ACHE: variants seen among roughly 807,000 people sequenced by gnomAD.
ACHE encodes acetylcholinesterase.
A neutral mutation model predicts 53.9 loss-of-function variants in ACHE; 19 were observed. That is an observed-to-expected ratio of 0.35 (90% CI 0.25 to 0.52). The LOEUF (loss-of-function observed/expected upper bound fraction) is 0.52. Ranked by LOEUF, ACHE falls within the 20% of genes least tolerant of loss-of-function variation. ACHE has a pLI of 0.95. For synonymous variants in ACHE, 392 were observed against 378.1 expected (o/e 1.04, Z -0.43); for missense variants, 605 against 849.4 (o/e 0.71, Z 3.58).
intron 4 of ACHE, chr7:100,890,537 G>C: frequency 1.4e-6 from 2 of 1,414,308 alleles, no homozygotes; most frequent in Admixed American, 2.8e-5. Flanking sequence ...GGCGGGGCCG[G>C]AGAAGGACAG....
Position 100,894,132 on chromosome 7 carries a change from C to T in ACHE, c.101G>A (p.Arg34Gln), listed in dbSNP as rs17881553. 1.6e-3 allele frequency: 2,343 copies of T among 1,490,604 alleles called. 22 individuals carry two copies. The African/African-American group carries it at 0.027, about 17-fold the overall frequency. 92.3% of individuals were successfully genotyped at this position (1,490,604 alleles called of 1,614,324 possible). A position where few individuals can be genotyped will look rare whatever the true frequency, so the allele number is the denominator to read the frequency against. The change falls in exon 2 of 5, where the codon CGG (arginine) becomes CAG (glutamine). Residue 34 changes from arginine (R) to glutamine (Q), a missense_variant. Physicochemically the swap from Arg to Gln is conservative, Grantham distance 43. Transcript: ENST00000241069. ...CGTCACCAGCAGCTCTGCATCCTCCCGGCCCTCAGCCCCCACTCCTCCACC... is the reference window on the plus strand; with the variant it reads ...CGTCACCAGCAGCTCTGCATCCTCCTGGCCCTCAGCCCCCACTCCTCCACC... Reference protein sequence around the residue: ...LLGGGVGAEGREDAELLVTVR... With the variant: ...LLGGGVGAEGQEDAELLVTVR...
At chr7:100,896,678 C>G, upstream of ACHE, 1 of 296,204 alleles carries the variant, frequency 3.4e-6, no homozygotes, top group Non-Finnish European at 7.2e-6. Context: ...CGGGTGACTT[C>G]GGACTTTCGT....
chr7:100,895,963 T>TCCGCCC (rs1458427865), upstream of ACHE: 2 of 82,888 alleles, frequency 2.4e-5, no homozygotes, highest in Non-Finnish European at 4.8e-5. Flanking sequence ...GCCCACTGTC[T>TCCGCCC]CCGCCCCCGC....
rs562985701 is a variant in ACHE, at chr7:100,892,258, C to T, written c.1553+76G>A. On this transcript the variant is annotated intron_variant, in intron 3 of 4. Transcript: ENST00000241069. The surrounding 1 kb of genome is among the most constrained non-coding windows in gnomAD (Gnocchi z 5.2). ...CTGTCCCACCCGTCCTTTCTGTCTC[C>T]GTGTGTCTGCCTTTGTGTGTCCTCC... 2.6e-5 allele frequency: 38 copies of T among 1,450,946 alleles called. 1 individual carries two copies. Among genetic ancestry groups the T allele is most frequent in the African/African-American group, 1.3e-4 (9 of 70,468 alleles). The allele number at this position is 1,450,946 out of a possible 1,614,324, so 89.9% of individuals were successfully genotyped here.
intron 4 of ACHE, 145 bp downstream of exon 4, chr7:100,891,024 G>A (rs1278631821): frequency 1.2e-5 from 18 of 1,457,492 alleles, no homozygotes; most frequent in Non-Finnish European, 1.5e-5. Context: ...GGGGCAGGGG[G>A]AGGCCGGGCC....
At chr7:100,890,594 G>C in intron 4 of ACHE, 1 of 1,390,410 alleles carries the variant, frequency 7.2e-7, no homozygotes, top group Non-Finnish European at 9.3e-7. Context: ...GACGGGAACA[G>C]AGGGGACAGG....
chr7:100,896,874 C>G (rs1267153049), upstream of ACHE: 1 of 160,958 alleles, frequency 6.2e-6, no homozygotes, highest in Non-Finnish European at 1.4e-5. Context: ...AGCGGGGTCC[C>G]CACGACCGAG....
In ACHE at chr7:100,890,211, G is replaced by A; in HGVS notation, c.*3C>T. On this transcript the variant is annotated 3_prime_UTR_variant, in exon 5 of 5. Coordinates refer to ENST00000241069, the MANE Select transcript of ACHE (RefSeq NM_000665.5). The stretch of plus-strand genomic sequence containing the variant: ...AGCGGAGGACATGGGGGTCCCGCCG[G>A]GGTCACAGGTCTGAGCAGCGATCCT... 6.2e-7 allele frequency: 1 copy of A among 1,613,680 alleles called. No homozygotes were observed. Among genetic ancestry groups the A allele is most frequent in the Non-Finnish European group, 8.5e-7 (1 of 1,179,648 alleles).
upstream of ACHE, chr7:100,896,720 A>G: frequency 3.1e-6 from 1 of 320,432 alleles, no homozygotes; most frequent in Non-Finnish European, 6.6e-6. Context: ...TGACATCACC[A>G]GGCCTAGCAT....
chr7:100,890,856 G>A (rs1395215242), intron 4 of ACHE: 28 of 1,442,160 alleles, frequency 1.9e-5, no homozygotes, highest in Non-Finnish European at 1.8e-5. Context: ...GTTTGAGGAG[G>A]AAGGGAGCAC....
intron 1 of ACHE, among the ~76,000 whole-genome samples, chr7:100,894,832 T>G (rs761908116): frequency 1.1e-3 from 163 of 149,064 alleles, no homozygotes; most frequent in Non-Finnish European, 1.9e-3. Flanking sequence ...CACCGAGCGC[T>G]GATGCCCGCG....
At chr7:100,896,704 G>T, upstream of ACHE, 1 of 310,826 alleles carries the variant, frequency 3.2e-6, no homozygotes, top group Non-Finnish European at 6.8e-6. Context: ...GGGTCCGGTC[G>T]GGGCATGACA....
upstream of ACHE, chr7:100,896,775 G>GC: frequency 9.8e-6 from 3 of 304,896 alleles, no homozygotes; most frequent in Admixed American, 3.7e-5. Flanking sequence ...TGGCTCGGGC[G>GC]CCCCCAGCCT....
rs71902456 is a variant in ACHE at position 100,891,783 on chromosome 7, CTTTT to C, written c.1554-449_1554-446del. 8.8e-3 allele frequency among the ~76,000 whole-genome samples: 915 copies of C among 103,454 alleles called. 4 individuals carry two copies. The highest frequency in any genetic ancestry group is 0.027 in the African/African-American group (832 of 30,290). The allele number at this position is 103,454 out of a possible 152,430, so 67.9% of individuals were successfully genotyped here. ...CTCCAACTCCTTTGTCTTGGTCTCCCTTTTTTTTTTTTTTTTTTTTTTCCAGAGA... is the reference window on the plus strand; with the variant it reads ...CTCCAACTCCTTTGTCTTGGTCTCCCTTTTTTTTTTTTTTTTTTCCAGAGA... On this transcript the variant is annotated intron_variant, in intron 3 of 4. Coordinates refer to ENST00000241069, the MANE Select transcript of ACHE (RefSeq NM_000665.5).
chr7:100,890,220 G>A lies in ACHE; in HGVS notation c.1839C>T (p.Asp613=). The change falls in exon 5 of 5, where the codon GAC becomes GAT. Residue 613 remains aspartate, a synonymous_variant. Coordinates refer to ENST00000241069, the MANE Select transcript of ACHE (RefSeq NM_000665.5). ...DHYSKQDRCS[D]L is the part of the protein sequence containing the mutation. ...CATGGGGGTCCCGCCGGGGTCACAG[G>A]TCTGAGCAGCGATCCTGCTTGCTGT... is the stretch of plus-strand genomic sequence containing the variant. 6.2e-7 allele frequency: 1 copy of A among 1,613,994 alleles called. No homozygotes were observed. The highest frequency in any genetic ancestry group is 8.5e-7 in the Non-Finnish European group (1 of 1,179,886).
upstream of ACHE, chr7:100,896,318 C>G (rs1791036197): frequency 6.5e-6 from 1 of 153,860 alleles, no homozygotes; most frequent in African/African-American, 2.4e-5. Context: ...GGTCATGCAT[C>G]CCCGGCCACG....
chr7:100,890,140 G>A lies in ACHE; in HGVS notation c.*74C>T. The stretch of plus-strand genomic sequence containing the variant: ...GAGTCTGGGGCTCGTCTGTGTTATA[G>A]CCCAGCCCTGAAATAAATAGTATAT... On this transcript the variant is annotated 3_prime_UTR_variant, in exon 5 of 5. Transcript: ENST00000241069. The A allele has an allele frequency of 6.4e-7, 1 of 1,569,780 alleles. No individual in the cohort carries two copies. The highest frequency in any genetic ancestry group is 8.7e-7 in the Non-Finnish European group (1 of 1,151,378).
rs1212407504 is a variant in ACHE, at chr7:100,893,800, CA to C, written c.432del (p.Val145SerfsTer36). 4 of 1,613,734 alleles carry C rather than the reference CA, an allele frequency of 2.5e-6. No homozygotes were observed. Among genetic ancestry groups the C allele is most frequent in the South Asian group, 1.1e-5 (1 of 91,084 alleles). ...CCACCCCCATAGATCCAGACGAGGA[CA>C]GGGGTGGGGGATGTAGGCCGGGGGT... ...TPYPRPTSPT[P>X]VLVWIYGGGF... On this transcript the variant is annotated frameshift_variant, in exon 2 of 5. Transcript: ENST00000241069. LOFTEE classifies it high-confidence loss of function.
chr7:100,895,444 G>C (rs1790987880), intron 1 of ACHE, among the ~76,000 whole-genome samples: 2 of 152,114 alleles, frequency 1.3e-5, no homozygotes, highest in South Asian at 4.1e-4. Context: ...CCCTGGGGAT[G>C]GGGGTGCCCA....
Sources: allele counts gnomAD v4.1 joint callset (sites outside exome capture counted in the v4.1 genomes callset), GRCh38; gene constraint gnomAD v4.1.1; non-coding constraint Gnocchi (gnomAD v3.1); transcripts MANE v1.5; gene names NCBI Gene and HGNC (gene_info 2026-07-23, HGNC 2026-07-21).